ISOC1: variants seen among roughly 807,000 people sequenced by gnomAD.
The protein encoded by ISOC1 is isochorismatase domain containing 1.
Under a neutral mutation model 30.0 loss-of-function variants are expected in ISOC1, and 33 were observed. The observed-to-expected ratio is 1.10, with a 90% CI of 0.83 to 1.47. The LOEUF is 1.47. ISOC1 is among the 40% of genes most tolerant of loss of function. ISOC1 has a pLI of 0.00. For synonymous variants in ISOC1, 178 were observed against 159.8 expected (o/e 1.11, Z -0.86); for missense variants, 372 against 388.0 (o/e 0.96, Z 0.35).
chr5:129,104,911 C>G (rs1164830427), intron 1 of ISOC1, 45 bp from the exon 2 acceptor site: 1 of 1,589,352 alleles, frequency 6.3e-7, no homozygotes, highest in Admixed American at 1.7e-5. Flanking sequence ...AAATAAATGT[C>G]ATTGTACAAC....
chr5:129,098,844 C>T (rs2150170194), intron 1 of ISOC1, among the ~76,000 whole-genome samples: 1 of 152,202 alleles, frequency 6.6e-6, no homozygotes, highest in Non-Finnish European at 1.5e-5. Flanking sequence ...GGGGCATGAA[C>T]ATTTTATAGC....
At chr5:129,108,704 G>A (rs1291133090) in intron 4 of ISOC1, among the ~76,000 whole-genome samples, 2 of 152,066 alleles carry the variant, frequency 1.3e-5, no homozygotes, top group Non-Finnish European at 2.9e-5. Flanking sequence ...TAGAGATGGG[G>A]TTTTGCCATG....
intron 1 of ISOC1, among the ~76,000 whole-genome samples, chr5:129,096,610 C>A (rs1409724524): frequency 6.6e-6 from 1 of 152,194 alleles, no homozygotes. Context: ...TTTATGTCTT[C>A]AAGCGTTTTC....
At position 129,113,011 on chromosome 5, in the gene ISOC1, A is replaced by T. The variant is rs1254057183; in HGVS notation, c.*10A>T. 1 of 1,608,864 alleles carries T rather than the reference A, an allele frequency of 6.2e-7. No individual in the cohort carries two copies. Among genetic ancestry groups the T allele is most frequent in the East Asian group, 2.2e-5 (1 of 44,836 alleles). On this transcript the variant is annotated 3_prime_UTR_variant, in exon 5 of 5. Transcript: ENST00000173527. ...GCTTTCCAAAGTATAGGACATTTGA[A>T]GAACTGGTATGCTACTCACTGGTGA... is the stretch of plus-strand genomic sequence containing the variant.
chr5:129,094,772 G>A lies in ISOC1; in HGVS notation c.6G>A (p.Ala2=). Residue 2 remains alanine, a synonymous_variant, in exon 1 of 5, where the codon GCG becomes GCA. Coordinates refer to ENST00000173527, the MANE Select transcript of ISOC1 (RefSeq NM_016048.2). M[A]AAEPAVLALP... is the part of the protein sequence containing the mutation. ...TCGCAGACGCTCGGGGGAACATGGC[G>A]GCTGCGGAGCCGGCGGTCCTTGCGC... The A allele has an allele frequency of 1.3e-6, 2 of 1,498,782 alleles. No homozygotes were observed. Among genetic ancestry groups the A allele is most frequent in the Non-Finnish European group, 1.8e-6 (2 of 1,129,538 alleles). The allele number at this position is 1,498,782 out of a possible 1,614,324, so 92.8% of individuals were successfully genotyped here.
At chr5:129,100,734 A>T (rs1308276355) in intron 1 of ISOC1, among the ~76,000 whole-genome samples, 1 of 152,032 alleles carries the variant, frequency 6.6e-6, no homozygotes, top group Admixed American at 6.6e-5. Context: ...CGAAATTTAG[A>T]GAGTTGTATG....
intron 1 of ISOC1, among the ~76,000 whole-genome samples, chr5:129,103,443 A>G (rs931766864): frequency 1.3e-5 from 2 of 152,182 alleles, no homozygotes; most frequent in African/African-American, 4.8e-5. Flanking sequence ...GGAAAACCCT[A>G]TACATAGAGT....
chr5:129,113,186 C>T lies in ISOC1; in HGVS notation c.*185C>T, dbSNP rs1477244326. 41 of 478,316 alleles carry T rather than the reference C, an allele frequency of 8.6e-5. No individual in the cohort carries two copies. The highest frequency in any genetic ancestry group is 1.4e-4 in the Non-Finnish European group (38 of 273,930). The allele number at this position is 478,316 out of a possible 1,614,324, so 29.6% of individuals were successfully genotyped here. On this transcript the variant is annotated 3_prime_UTR_variant, in exon 5 of 5. Coordinates refer to ENST00000173527, the MANE Select transcript of ISOC1 (RefSeq NM_016048.2). ...TTGAGTACCAGCATTTAGTTACAAA[C>T]GTCAAAGGCTTCCGGTGCTGCTTAC...
chr5:129,099,846 A>G (rs1283089709), intron 1 of ISOC1, among the ~76,000 whole-genome samples: 1 of 152,168 alleles, frequency 6.6e-6, no homozygotes, highest in Non-Finnish European at 1.5e-5. Flanking sequence ...AAATACCCCT[A>G]TGATGTAGAT....
intron 1 of ISOC1, among the ~76,000 whole-genome samples, chr5:129,098,302 A>G (rs1385009137): frequency 6.6e-6 from 1 of 152,142 alleles, no homozygotes; most frequent in Non-Finnish European, 1.5e-5. Flanking sequence ...ATATTCTGTC[A>G]AAGTAACAAT....
intron 1 of ISOC1, among the ~76,000 whole-genome samples, chr5:129,099,360 C>T (rs1753544929): frequency 6.6e-6 from 1 of 152,186 alleles, no homozygotes; most frequent in Admixed American, 6.5e-5. Flanking sequence ...GTGGAGACAG[C>T]TGGCGTCCCT....
chr5:129,103,008 T>A (rs557401519), intron 1 of ISOC1, among the ~76,000 whole-genome samples: 4 of 151,790 alleles, frequency 2.6e-5, no homozygotes, highest in South Asian at 2.1e-4. Context: ...ATTTTTCAAA[T>A]TTTTTTTTGT....
intron 4 of ISOC1, among the ~76,000 whole-genome samples, chr5:129,109,516 G>A (rs1383219752): frequency 6.6e-6 from 1 of 152,156 alleles, no homozygotes; most frequent in African/African-American, 2.4e-5. Flanking sequence ...AGACCCAGAA[G>A]GGACTAGTTC....
chr5:129,101,365 G>T (rs561749447), intron 1 of ISOC1, among the ~76,000 whole-genome samples: 23 of 151,554 alleles, frequency 1.5e-4, no homozygotes, highest in African/African-American at 5.1e-4. Context: ...GTGCAGTGGT[G>T]CACGCCTGTA....
At chr5:129,108,511 T>C (rs77871972) in intron 4 of ISOC1, among the ~76,000 whole-genome samples, 3,291 of 126,360 alleles carry the variant, frequency 0.026, 125 homozygotes, top group African/African-American at 0.11. Context: ...AATCCATTTC[T>C]TTTTTTTTTT....
chr5:129,100,998 T>C (rs538136388), intron 1 of ISOC1, among the ~76,000 whole-genome samples: 1 of 144,808 alleles, frequency 6.9e-6, no homozygotes, highest in East Asian at 2.1e-4. Context: ...CCTATATTCC[T>C]GTACCCAGAT....
chr5:129,101,192 A>AAAAAAAAAATATAT (rs1554064627), intron 1 of ISOC1, among the ~76,000 whole-genome samples: 5 of 42,222 alleles, frequency 1.2e-4, no homozygotes, highest in South Asian at 8.6e-4. Context: ...AAAAAAAAAA[A>AAAAAAAAAATATAT]ATATATATAT....
chr5:129,109,227 A>G (rs935500750), intron 4 of ISOC1, among the ~76,000 whole-genome samples: 3 of 152,204 alleles, frequency 2.0e-5, no homozygotes, highest in African/African-American at 7.2e-5. Context: ...TGTGGGGATA[A>G]TGTGGGTTTG....
chr5:129,113,826 T>C lies in ISOC1; in HGVS notation c.*825T>C, dbSNP rs559133847. 6 of 152,276 alleles carry C rather than the reference T, an allele frequency of 3.9e-5. No individual in the cohort carries two copies. Among genetic ancestry groups the C allele is most frequent in the African/African-American group, 1.4e-4 (6 of 41,566 alleles). The allele number at this position is 152,276 out of a possible 1,614,324, so 9.4% of individuals were successfully genotyped here. A position where few individuals can be genotyped will look rare whatever the true frequency, so the allele number is the denominator to read the frequency against. On this transcript the variant is annotated 3_prime_UTR_variant, in exon 5 of 5. Coordinates refer to ENST00000173527, the MANE Select transcript of ISOC1 (RefSeq NM_016048.2). ...GAATATCATTTTAAAATGTTCATGTTCTGTTCTATATTTTCTTCACCTACT... is the reference window on the plus strand; with the variant it reads ...GAATATCATTTTAAAATGTTCATGTCCTGTTCTATATTTTCTTCACCTACT...
Sources: gnomAD v4.1 joint callset for allele counts (sites outside exome capture counted in the v4.1 genomes callset) on GRCh38, gnomAD v4.1.1 for gene constraint, MANE v1.5 for transcripts, NCBI Gene and HGNC (gene_info 2026-07-23, HGNC 2026-07-21) for gene names.